GRM5: variants seen among roughly 807,000 people sequenced by gnomAD.
The protein encoded by GRM5 is metabotropic glutamate receptor 5.
Under a neutral mutation model 83.1 loss-of-function variants are expected in GRM5, and 19 were observed. That is an observed-to-expected ratio of 0.23 (90% confidence interval 0.16 to 0.34). The LOEUF (loss-of-function observed/expected upper bound fraction) is 0.34. Ranked by LOEUF, GRM5 falls within the 10% of genes least tolerant of loss-of-function variation. GRM5 has a pLI of 1.00. For missense variants in GRM5, 1,160 were observed against 1,588.3 expected (o/e 0.73, Z 4.58); for synonymous variants, 675 against 633.6 (o/e 1.07, Z -0.98).
At chr11:88,640,895 G>A (rs1939273816) in intron 4 of GRM5, among the ~76,000 whole-genome samples, 1 of 152,080 alleles carries the variant, frequency 6.6e-6, no homozygotes, top group Admixed American at 6.6e-5. Context: ...AATTTATAGA[G>A]ATGCCATTAA....
intron 3 of GRM5, among the ~76,000 whole-genome samples, chr11:88,722,501 C>G (rs533960155): frequency 6.6e-6 from 1 of 152,234 alleles, no homozygotes; most frequent in South Asian, 2.1e-4. Context: ...CCATAACATG[C>G]AGAAATCTCA....
intron 2 of GRM5, among the ~76,000 whole-genome samples, chr11:89,042,775 C>T (rs564542897): frequency 6.6e-6 from 1 of 151,330 alleles, no homozygotes; most frequent in East Asian, 1.9e-4. Flanking sequence ...TACTGAAGTT[C>T]CTTCAATCAA....
In GRM5 at chr11:88,522,176, T is replaced by C. The variant is rs117910720; in HGVS notation, c.2726+3133A>G. Among the ~76,000 whole-genome samples, 75 of 152,220 alleles carry C rather than the reference T, an allele frequency of 4.9e-4. No individual in the cohort carries two copies. The East Asian group carries it at 0.014, about 28-fold the overall frequency. The stretch of plus-strand genomic sequence containing the variant: ...GCTTGGCTTTGACTCCTGGAAGCAA[T>C]AGGGGGTGGAGTAGGGATGAATTAC... On this transcript the variant is annotated intron_variant, in intron 9 of 9. Coordinates refer to ENST00000305447, the MANE Select transcript of GRM5 (RefSeq NM_001143831.3).
chr11:88,648,146 T>C (rs1368544725), intron 4 of GRM5, among the ~76,000 whole-genome samples: 1 of 152,154 alleles, frequency 6.6e-6, no homozygotes, highest in African/African-American at 2.4e-5. Flanking sequence ...CACCATCCCA[T>C]TACTGGGTAT....
At chr11:88,826,547 C>T (rs1943897399) in intron 3 of GRM5, among the ~76,000 whole-genome samples, 1 of 152,122 alleles carries the variant, frequency 6.6e-6, no homozygotes. Context: ...CTGGTAGCCA[C>T]TAGTCCAATG....
At chr11:88,649,194 T>C (rs1015896064) in intron 4 of GRM5, among the ~76,000 whole-genome samples, 24 of 139,790 alleles carry the variant, frequency 1.7e-4, no homozygotes, top group Non-Finnish European at 3.0e-4. Flanking sequence ...ATATGTTATA[T>C]ATAATATCTA....
intron 4 of GRM5, among the ~76,000 whole-genome samples, chr11:88,618,047 G>A (rs926439731): frequency 2.0e-5 from 3 of 152,150 alleles, no homozygotes; most frequent in Admixed American, 1.3e-4. Context: ...ACTATGGGAT[G>A]GAACAATGCC....
At chr11:88,904,625 G>A (rs1206040018) in intron 2 of GRM5, among the ~76,000 whole-genome samples, 2 of 151,778 alleles carry the variant, frequency 1.3e-5, no homozygotes, top group Non-Finnish European at 2.9e-5. Flanking sequence ...CCATAAGTGT[G>A]GTATTCAAAT....
intron 3 of GRM5, among the ~76,000 whole-genome samples, chr11:88,761,805 A>G (rs1442081428): frequency 6.6e-6 from 1 of 151,910 alleles, no homozygotes; most frequent in Admixed American, 6.6e-5. Context: ...TTCCAGCTAT[A>G]CTACAGGACT....
At chr11:88,727,893 G>C (rs1308408236) in intron 3 of GRM5, among the ~76,000 whole-genome samples, 1 of 151,938 alleles carries the variant, frequency 6.6e-6, no homozygotes, top group Admixed American at 6.6e-5. Flanking sequence ...TGTTTAGAGG[G>C]AGATTTACTA....
intron 2 of GRM5, among the ~76,000 whole-genome samples, chr11:88,965,976 T>C (rs1245711521): frequency 6.6e-6 from 1 of 152,106 alleles, no homozygotes; most frequent in Non-Finnish European, 1.5e-5. Flanking sequence ...ACATGAAACT[T>C]TCATCATGAC....
chr11:88,714,522 T>G (rs764061467), intron 3 of GRM5, among the ~76,000 whole-genome samples: 1 of 152,010 alleles, frequency 6.6e-6, no homozygotes, highest in African/African-American at 2.4e-5. Context: ...ATAGTTTACA[T>G]GTATAACCAT....
chr11:88,914,722 T>C (rs890347482), intron 2 of GRM5, among the ~76,000 whole-genome samples: 5 of 152,316 alleles, frequency 3.3e-5, no homozygotes, highest in African/African-American at 1.2e-4. Flanking sequence ...AATAACTGCA[T>C]AGTGAATTAA....
chr11:88,505,306 A>G lies in GRM5; in HGVS notation c.*3286T>C, dbSNP rs1284474953. The G allele has an allele frequency of 6.6e-6, 1 of 152,232 alleles. No individual in the cohort carries two copies. The highest frequency in any genetic ancestry group is 1.5e-5 in the Non-Finnish European group (1 of 68,018). 9.4% of individuals were successfully genotyped at this position (152,232 alleles called of 1,614,324 possible). ...TCCAAAACATGTACATTTTACTGGG[A>G]GACTAGCATAGGAAATGCTTTTGTT... On this transcript the variant is annotated 3_prime_UTR_variant, in exon 10 of 10. Transcript: ENST00000305447.
intron 3 of GRM5, among the ~76,000 whole-genome samples, chr11:88,768,465 T>TCTTTATAATTTTGAC (rs1942665537): frequency 6.6e-6 from 1 of 151,812 alleles, no homozygotes; most frequent in Non-Finnish European, 1.5e-5. Context: ...ATAGTTACTG[T>TCTTTATAATTTTGAC]TTAATAGGTA....
intron 4 of GRM5, among the ~76,000 whole-genome samples, chr11:88,614,480 A>G (rs1280168741): frequency 1.3e-5 from 2 of 152,186 alleles, no homozygotes; most frequent in Non-Finnish European, 2.9e-5. Context: ...TGGGATGCCC[A>G]TTAGACTCTC....
At chr11:88,774,045 T>C (rs541549477) in intron 3 of GRM5, among the ~76,000 whole-genome samples, 48 of 152,350 alleles carry the variant, frequency 3.2e-4, no homozygotes, top group African/African-American at 1.1e-3. Flanking sequence ...CTTTGGGCAG[T>C]ATGGCAATTT....
chr11:88,530,025 G>T (rs752753418), intron 8 of GRM5, among the ~76,000 whole-genome samples: 8 of 152,002 alleles, frequency 5.3e-5, no homozygotes, highest in South Asian at 2.1e-4. Context: ...TTAGAGGATT[G>T]TTATACACAG....
At chr11:88,928,944 A>ACACACACT (rs1565296638) in intron 2 of GRM5, among the ~76,000 whole-genome samples, 1,896 of 151,070 alleles carry the variant, frequency 0.013, 39 homozygotes, top group African/African-American at 0.042. Flanking sequence ...ACACACACAC[A>ACACACACT]CTCAAGAGTT....
Sources: allele counts gnomAD v4.1 joint callset (sites outside exome capture counted in the v4.1 genomes callset), GRCh38; gene constraint gnomAD v4.1.1; transcripts MANE v1.5; gene names NCBI Gene and HGNC (gene_info 2026-07-23, HGNC 2026-07-21).